ZBTB20: variants seen among roughly 807,000 people sequenced by gnomAD.
The protein encoded by ZBTB20 is zinc finger and BTB domain containing 20.
Under a neutral mutation model 56.9 loss-of-function variants are expected in ZBTB20, and 9 were observed. That is an observed-to-expected ratio of 0.16 (90% CI 0.10 to 0.28). The LOEUF (loss-of-function observed/expected upper bound fraction) is 0.28, where lower values mean the gene tolerates loss of function less well. Ranked by LOEUF, ZBTB20 falls within the 10% of genes least tolerant of loss-of-function variation. The probability of loss-of-function intolerance (pLI) is 1.00; values close to 1 mark genes in which losing one functional copy is unlikely to be tolerated. For missense variants in ZBTB20, 655 were observed against 1,003.0 expected (o/e 0.65, Z 4.69); for synonymous variants, 417 against 420.7 (o/e 0.99, Z 0.11).
chr3:114,523,211 G>C (rs1343259715), intron 6 of ZBTB20, among the ~76,000 whole-genome samples: 1 of 152,128 alleles, frequency 6.6e-6, no homozygotes, highest in African/African-American at 2.4e-5. Flanking sequence ...ACAATTCTGA[G>C]ACATCAGGAA....
intron 1 of ZBTB20, among the ~76,000 whole-genome samples, chr3:115,114,654 A>C (rs757266167): frequency 1.3e-5 from 2 of 152,174 alleles, no homozygotes; most frequent in African/African-American, 4.8e-5. Flanking sequence ...ATGTATATAG[A>C]AACTAGTTTT....
chr3:114,777,483 C>A (rs1210306416), intron 5 of ZBTB20, among the ~76,000 whole-genome samples: 1 of 152,098 alleles, frequency 6.6e-6, no homozygotes, highest in Non-Finnish European at 1.5e-5. Flanking sequence ...AGCCAAAAAA[C>A]ACATGAAAAA....
intron 7 of ZBTB20, among the ~76,000 whole-genome samples, chr3:114,421,668 T>C (rs543846754): frequency 6.6e-6 from 1 of 152,248 alleles, no homozygotes; most frequent in African/African-American, 2.4e-5. Flanking sequence ...CTCACTATTA[T>C]GATGGGTTTA....
At chr3:114,507,710 G>T (rs889251355) in intron 6 of ZBTB20, among the ~76,000 whole-genome samples, 1 of 152,078 alleles carries the variant, frequency 6.6e-6, no homozygotes, top group Non-Finnish European at 1.5e-5. Context: ...TCAGGAGAAT[G>T]AATTCAATAA....
intron 6 of ZBTB20, among the ~76,000 whole-genome samples, chr3:114,692,920 T>C (rs1333401078): frequency 6.6e-6 from 1 of 152,152 alleles, no homozygotes; most frequent in African/African-American, 2.4e-5. Flanking sequence ...ATAGCCTTAT[T>C]TATGTCTTTG....
chr3:114,846,809 T>C (rs866116616), intron 4 of ZBTB20, among the ~76,000 whole-genome samples: 1 of 152,158 alleles, frequency 6.6e-6, no homozygotes, highest in Admixed American at 6.5e-5. Context: ...TAAAAGATAA[T>C]AAGAAGATGG....
At chr3:114,416,547 G>A (rs1178006556) in intron 7 of ZBTB20, among the ~76,000 whole-genome samples, 2 of 151,938 alleles carry the variant, frequency 1.3e-5, no homozygotes, top group Non-Finnish European at 2.9e-5. Context: ...AGACGCAGAC[G>A]GTGAAACTCA....
At chr3:114,744,949 T>C (rs1053726343) in intron 5 of ZBTB20, among the ~76,000 whole-genome samples, 7 of 151,890 alleles carry the variant, frequency 4.6e-5, no homozygotes, top group African/African-American at 1.7e-4. Context: ...AAGGAGATAA[T>C]GAAGAAGAGA....
At chr3:114,556,608 G>A (rs2051253610) in intron 6 of ZBTB20, among the ~76,000 whole-genome samples, 1 of 151,968 alleles carries the variant, frequency 6.6e-6, no homozygotes, top group South Asian at 2.1e-4. Flanking sequence ...AATACACTAA[G>A]TAATGAATGG....
chr3:114,406,729 G>T (rs1406541728), intron 7 of ZBTB20, among the ~76,000 whole-genome samples: 4 of 152,068 alleles, frequency 2.6e-5, no homozygotes, highest in Non-Finnish European at 5.9e-5. Context: ...AGACAGGTTT[G>T]TAGAGTCACT....
intron 4 of ZBTB20, among the ~76,000 whole-genome samples, chr3:114,886,578 AT>A (rs1298414902): frequency 6.6e-6 from 1 of 152,242 alleles, no homozygotes; most frequent in Non-Finnish European, 1.5e-5. Flanking sequence ...CTATAAGAGT[AT>A]ATTTGGCATC....
At chr3:114,353,900 G>A (rs903028492) in intron 10 of ZBTB20, among the ~76,000 whole-genome samples, 12 of 152,190 alleles carry the variant, frequency 7.9e-5, no homozygotes, top group Non-Finnish European at 1.6e-4. Flanking sequence ...GGCAATTGCT[G>A]GTAGACTGGC....
chr3:114,741,904 GACAT>G (rs1271586668), intron 5 of ZBTB20, among the ~76,000 whole-genome samples: 3 of 150,168 alleles, frequency 2.0e-5, no homozygotes, highest in Non-Finnish European at 4.4e-5. Context: ...AAGAAAAAAA[GACAT>G]ACAGAAGGAA....
At chr3:114,490,395 G>A (rs987742906) in intron 7 of ZBTB20, among the ~76,000 whole-genome samples, 1 of 151,950 alleles carries the variant, frequency 6.6e-6, no homozygotes, top group African/African-American at 2.4e-5. Flanking sequence ...CTAATTTTTT[G>A]TATTTTTAGT....
chr3:114,830,083 G>C (rs966004149), intron 4 of ZBTB20, among the ~76,000 whole-genome samples: 1 of 151,766 alleles, frequency 6.6e-6, no homozygotes, highest in African/African-American at 2.4e-5. Context: ...TGACTTTAGG[G>C]ACCTTGCATG....
intron 6 of ZBTB20, among the ~76,000 whole-genome samples, chr3:114,602,514 G>A (rs2056838063): frequency 3.3e-5 from 5 of 151,854 alleles, no homozygotes; most frequent in Admixed American, 3.3e-4. Flanking sequence ...GTTCTCTAGT[G>A]GACTTACTGA....
At chr3:114,677,484 G>A (rs899655815) in intron 6 of ZBTB20, among the ~76,000 whole-genome samples, 1 of 152,076 alleles carries the variant, frequency 6.6e-6, no homozygotes, top group Non-Finnish European at 1.5e-5. Context: ...CTGTGTATGC[G>A]AGGGATTGAG....
At chr3:114,714,202 C>T (rs1440803124) in intron 5 of ZBTB20, among the ~76,000 whole-genome samples, 1 of 152,214 alleles carries the variant, frequency 6.6e-6, no homozygotes, top group Non-Finnish European at 1.5e-5. Flanking sequence ...TCATAGTCTT[C>T]AGCTTTTTCT....
At chr3:114,978,827 T>A (rs1284941662) in intron 2 of ZBTB20, among the ~76,000 whole-genome samples, 1 of 151,972 alleles carries the variant, frequency 6.6e-6, no homozygotes, top group South Asian at 2.1e-4. Flanking sequence ...AACAAATTAC[T>A]TTTTATAAAC....
Sources: allele counts gnomAD v4.1 joint callset (sites outside exome capture counted in the v4.1 genomes callset), GRCh38; gene constraint gnomAD v4.1.1; transcripts MANE v1.5; gene names NCBI Gene and HGNC (gene_info 2026-07-23, HGNC 2026-07-21).